Variants in SCN9A observed in about 807,000 individuals in gnomAD.
The protein encoded by SCN9A is sodium voltage-gated channel alpha subunit 9.
SCN9A carries 131 observed loss-of-function variants against 187.0 expected under a neutral mutation model. The observed-to-expected ratio is 0.70, with a 90% CI of 0.61 to 0.81. The LOEUF is 0.81. SCN9A is among the 30% of genes least tolerant of loss of function. The pLI, the probability that SCN9A is intolerant of heterozygous loss-of-function variation, is 0.00. For synonymous variants in SCN9A, 809 were observed against 808.6 expected (o/e 1.00, Z -0.01); for missense variants, 2,252 against 2,396.6 (o/e 0.94, Z 1.26).
chr2:166,224,452 A>G (rs1436172268), intron 24 of SCN9A, among the ~76,000 whole-genome samples: 2 of 152,128 alleles, frequency 1.3e-5, no homozygotes, highest in Non-Finnish European at 2.9e-5. Context: ...GTCTTCTTAG[A>G]TGCTAAGCCA....
At position 166,195,506 on chromosome 2, in the gene SCN9A, T is replaced by C. The variant is rs887256984; in HGVS notation, c.*3166A>G. The stretch of plus-strand genomic sequence containing the variant: ...CTGGCCATCCTAATTTAGTTGGCCC[T>C]TCTTTCAGCACTTCTATTAACATTT... On this transcript the variant is annotated 3_prime_UTR_variant, in exon 27 of 27. Coordinates refer to ENST00000642356, the MANE Select transcript of SCN9A (RefSeq NM_001365536.1). 13 of 152,328 alleles carry C rather than the reference T, an allele frequency of 8.5e-5. No individual in the cohort carries two copies. The highest frequency in any genetic ancestry group is 3.1e-4 in the African/African-American group (13 of 41,586). 9.4% of individuals were successfully genotyped at this position (152,328 alleles called of 1,614,324 possible).
intron 24 of SCN9A, among the ~76,000 whole-genome samples, chr2:166,207,720 C>G (rs1169152883): frequency 6.6e-6 from 1 of 152,104 alleles, no homozygotes; most frequent in African/African-American, 2.4e-5. Context: ...GGATTACAGG[C>G]GTGAGCCACC....
intron 1 of SCN9A, among the ~76,000 whole-genome samples, chr2:166,345,098 G>C (rs1047385184): frequency 6.6e-6 from 1 of 152,038 alleles, no homozygotes; most frequent in African/African-American, 2.4e-5. Flanking sequence ...GTATCTAGTG[G>C]CTTCAGTAGA....
intron 21 of SCN9A, 130 bp downstream of exon 21, chr2:166,233,210 C>G: frequency 2.5e-6 from 1 of 405,956 alleles, no homozygotes; most frequent in Non-Finnish European, 4.0e-6. Flanking sequence ...TGTATATGTA[C>G]ACACACATAC....
intron 10 of SCN9A, 109 bp from the exon 11 acceptor site, chr2:166,286,732 A>T: frequency 2.7e-6 from 2 of 738,590 alleles, no homozygotes; most frequent in Non-Finnish European, 4.0e-6. Flanking sequence ...GCATATAATC[A>T]TGTCCTTTAA....
chr2:166,318,011 C>T (rs1248768082), intron 1 of SCN9A, among the ~76,000 whole-genome samples: 1 of 152,078 alleles, frequency 6.6e-6, no homozygotes, highest in Non-Finnish European at 1.5e-5. Context: ...GATCAGAAAA[C>T]AAGTTGATTA....
intron 12 of SCN9A, among the ~76,000 whole-genome samples, chr2:166,282,817 T>C (rs1697553535): frequency 6.6e-6 from 1 of 152,114 alleles, no homozygotes; most frequent in South Asian, 2.1e-4. Flanking sequence ...ATTTGAGAGA[T>C]CTCTGTAAAA....
intron 17 of SCN9A, among the ~76,000 whole-genome samples, chr2:166,267,696 T>C (rs537338451): frequency 2.0e-5 from 3 of 152,110 alleles, no homozygotes; most frequent in South Asian, 4.1e-4. Context: ...CCTGGACTTT[T>C]CTTTGCTAGG....
At position 166,198,641 on chromosome 2, in the gene SCN9A, A is replaced by C; in HGVS notation, c.*31T>G. The C allele has an allele frequency of 6.9e-7, 1 of 1,447,746 alleles. No individual in the cohort carries two copies. Among genetic ancestry groups the C allele is most frequent in the Non-Finnish European group, 9.4e-7 (1 of 1,067,210 alleles). 89.7% of individuals were successfully genotyped at this position (1,447,746 alleles called of 1,614,324 possible). A position where few individuals can be genotyped will look rare whatever the true frequency, so the allele number is the denominator to read the frequency against. ...ATTAACACAAATAAATCACTTTCAC[A>C]GGCTGTAAACAATATATCAAAAATG... On this transcript the variant is annotated 3_prime_UTR_variant, in exon 27 of 27. Transcript: ENST00000642356.
At chr2:166,270,737 G>A (rs1696940908) in intron 17 of SCN9A, among the ~76,000 whole-genome samples, 1 of 148,654 alleles carries the variant, frequency 6.7e-6, no homozygotes, top group Non-Finnish European at 1.5e-5. Context: ...TGATTCTCAT[G>A]CCTCAGCCTC....
Position 166,247,140 on chromosome 2 carries a change from T to C in SCN9A, c.3473-4484A>G, listed in dbSNP as rs1695823224. Reference sequence around the variant, plus strand: ...ATAAAGTCTATGCTGAGTTTCATCATGTTAAACCAAAGCTCTCAAAAAAAA... The same window carrying C: ...ATAAAGTCTATGCTGAGTTTCATCACGTTAAACCAAAGCTCTCAAAAAAAA... On this transcript the variant is annotated intron_variant, in intron 18 of 26. Transcript: ENST00000642356. 2.6e-5 allele frequency among the ~76,000 whole-genome samples: 3 copies of C among 116,744 alleles called. No individual in the cohort carries two copies. In the Admixed American group the frequency reaches 3.2e-4, roughly 12 times the overall value. 76.6% of individuals were successfully genotyped at this position (116,744 alleles called of 152,430 possible). A position where few individuals can be genotyped will look rare whatever the true frequency, so the allele number is the denominator to read the frequency against.
intron 10 of SCN9A, among the ~76,000 whole-genome samples, chr2:166,287,459 GTT>G (rs896082454): frequency 9.2e-5 from 14 of 151,742 alleles, no homozygotes; most frequent in African/African-American, 3.4e-4. Context: ...AATTTTCTTA[GTT>G]ATTTTCTAAT....
chr2:166,224,442 GTCT>G (rs1694759838), intron 24 of SCN9A, among the ~76,000 whole-genome samples: 1 of 152,044 alleles, frequency 6.6e-6, no homozygotes, highest in African/African-American at 2.4e-5. Flanking sequence ...ATGTACATCT[GTCT>G]TCTTAGATGC....
intron 20 of SCN9A, among the ~76,000 whole-genome samples, chr2:166,236,457 G>C (rs1297332999): frequency 2.0e-5 from 3 of 152,122 alleles, no homozygotes; most frequent in African/African-American, 7.2e-5. Flanking sequence ...GTCTCACCCT[G>C]TCGCCCAAGC....
chr2:166,234,746 GA>G (rs199748673), intron 20 of SCN9A, among the ~76,000 whole-genome samples: 8 of 151,880 alleles, frequency 5.3e-5, no homozygotes, highest in African/African-American at 1.2e-4. Context: ...TCTTTAATCA[GA>G]AAATTTTTTT....
chr2:166,277,960 A>C, intron 15 of SCN9A, 180 bp downstream of exon 15: 1 of 511,218 alleles, frequency 2.0e-6, no homozygotes, highest in South Asian at 3.9e-5. Flanking sequence ...AAATTGTAAA[A>C]ATATTCATGT....
intron 1 of SCN9A, among the ~76,000 whole-genome samples, chr2:166,324,840 T>G (rs1184585284): frequency 6.6e-6 from 1 of 152,140 alleles, no homozygotes; most frequent in Non-Finnish European, 1.5e-5. Context: ...TGCGACAGCC[T>G]AGAGATGCTT....
At chr2:166,208,765 T>A (rs1693939645) in intron 24 of SCN9A, among the ~76,000 whole-genome samples, 1 of 152,160 alleles carries the variant, frequency 6.6e-6, no homozygotes, top group Non-Finnish European at 1.5e-5. Context: ...ATCAAATTAT[T>A]GAAGTTAAAA....
At chr2:166,291,235 G>A (rs1169175360) in intron 9 of SCN9A, among the ~76,000 whole-genome samples, 1 of 151,992 alleles carries the variant, frequency 6.6e-6, no homozygotes, top group Non-Finnish European at 1.5e-5. Context: ...AAGGTATCAG[G>A]ATACAAAATC....
Sources: gnomAD v4.1 joint callset for allele counts (sites outside exome capture counted in the v4.1 genomes callset) on GRCh38, gnomAD v4.1.1 for gene constraint, MANE v1.5 for transcripts, NCBI Gene and HGNC (gene_info 2026-07-23, HGNC 2026-07-21) for gene names.